CBLB: variants seen among roughly 807,000 people sequenced by gnomAD.
The protein encoded by CBLB is E3 ubiquitin-protein ligase CBL-B.
Under a neutral mutation model 104.9 loss-of-function variants are expected in CBLB, and 31 were observed. The observed-to-expected ratio is 0.30, with a 90% CI of 0.22 to 0.40. The LOEUF is 0.40. Ranked by LOEUF, CBLB falls within the 10% of genes least tolerant of loss-of-function variation. The pLI is 1.00. For synonymous variants in CBLB, 440 were observed against 422.6 expected, an observed-to-expected ratio of 1.04 and a Z score of -0.51; for missense variants, 1,062 against 1,214.6, an observed-to-expected ratio of 0.87 and a Z score of 1.87.
intron 11 of CBLB, 28 bp from the exon 12 acceptor site, chr3:105,702,487 A>AAC (rs1251432466): frequency 1.3e-5 from 19 of 1,473,062 alleles, no homozygotes; most frequent in Middle Eastern, 2.3e-4. Context: ...AAAAAAAAAA[A>AAC]AAAAAAAAAA....
intron 3 of CBLB, among the ~76,000 whole-genome samples, chr3:105,850,252 G>GT (rs1296104575): frequency 3.3e-5 from 5 of 151,930 alleles, no homozygotes; most frequent in Middle Eastern, 3.2e-3. Context: ...CTGGAAGAGG[G>GT]TTTTTTATGT....
rs376583785 is a variant in CBLB at position 105,702,295 on chromosome 3, C to T, written c.1758G>A (p.Pro586=). The change falls in exon 12 of 19, where the codon CCG becomes CCA. Residue 586 remains proline (P), a synonymous_variant. Transcript: ENST00000394030. The part of the protein sequence containing the change: ...HHVESVPSRD[P]PMPLEAWCPR... Reference sequence around the variant, plus strand: ...GGCACCATGCTTCAAGAGGCATTGGCGGGTCTCTGGAAGGCACGCTTTCCA... The same window carrying T: ...GGCACCATGCTTCAAGAGGCATTGGTGGGTCTCTGGAAGGCACGCTTTCCA... 1.4e-5 allele frequency: 22 copies of T among 1,613,670 alleles called. No homozygotes were observed. The highest frequency in any genetic ancestry group is 1.2e-4 in the African/African-American group (9 of 74,758).
chr3:105,825,111 G>A (rs2086398204), intron 3 of CBLB, among the ~76,000 whole-genome samples: 1 of 152,124 alleles, frequency 6.6e-6, no homozygotes, highest in Admixed American at 6.6e-5. Context: ...TCTGCTCCAT[G>A]AGGACTGCAT....
At chr3:105,859,311 T>C (rs4894957) in intron 2 of CBLB, among the ~76,000 whole-genome samples, 100,787 of 152,006 alleles carry the variant, frequency 0.66, 34,625 homozygotes, top group Middle Eastern at 0.79. Context: ...TTACACTGAA[T>C]CAAGTCATAT....
chr3:105,740,434 A>C, intron 7 of CBLB, 60 bp downstream of exon 7: 1 of 1,579,156 alleles, frequency 6.3e-7, no homozygotes, highest in South Asian at 1.1e-5. Context: ...ATCACAAAGC[A>C]ATCTTTATTT....
rs1347619108 is a variant in CBLB at position 105,854,738 on chromosome 3, T to C, written c.169-1074A>G. Among the ~76,000 whole-genome samples, 7 of 152,112 alleles carry C rather than the reference T, an allele frequency of 4.6e-5. No individual in the cohort carries two copies. In the East Asian group the frequency reaches 9.6e-4, roughly 21 times the overall value. On this transcript the variant is annotated intron_variant, in intron 2 of 18. Coordinates refer to ENST00000394030, the MANE Select transcript of CBLB (RefSeq NM_170662.5). ...ACCTCTGCCTCCCGGGTTCAAGTGATTCTCCTGCCTCAGCCTCCCAAGTAG... is the reference window on the plus strand; with the variant it reads ...ACCTCTGCCTCCCGGGTTCAAGTGACTCTCCTGCCTCAGCCTCCCAAGTAG...
intron 3 of CBLB, among the ~76,000 whole-genome samples, chr3:105,790,823 T>C (rs2081546216): frequency 6.6e-6 from 1 of 152,086 alleles, no homozygotes; most frequent in African/African-American, 2.4e-5. Context: ...GGGATAGAAG[T>C]GATGTGTATT....
intron 3 of CBLB, among the ~76,000 whole-genome samples, chr3:105,799,806 A>G (rs188785238): frequency 6.6e-6 from 1 of 152,326 alleles, no homozygotes; most frequent in East Asian, 1.9e-4. Context: ...ATTTGCTTCT[A>G]GAAAATGTGG....
chr3:105,818,492 C>T (rs1372603278), intron 3 of CBLB, among the ~76,000 whole-genome samples: 1 of 152,030 alleles, frequency 6.6e-6, no homozygotes, highest in Non-Finnish European at 1.5e-5. Flanking sequence ...GACTACATAG[C>T]TTCTTCACTT....
chr3:105,775,536 C>T (rs1247791118), intron 4 of CBLB, among the ~76,000 whole-genome samples: 2 of 152,170 alleles, frequency 1.3e-5, no homozygotes, highest in Non-Finnish European at 2.9e-5. Context: ...AGCAGTCACA[C>T]TTCCTCCTTA....
chr3:105,853,732 G>A (rs1186828804), intron 2 of CBLB, 68 bp from the exon 3 acceptor site: 3 of 1,087,864 alleles, frequency 2.8e-6, no homozygotes, highest in Admixed American at 2.2e-5. Flanking sequence ...AAAAGTTAGA[G>A]AACCATGTCC....
intron 3 of CBLB, among the ~76,000 whole-genome samples, chr3:105,826,099 C>CCAGCATGACACAACTCCAGCATGA (rs1217048502): frequency 1.3e-5 from 2 of 151,922 alleles, no homozygotes; most frequent in African/African-American, 2.4e-5. Flanking sequence ...TGACACGGCT[C>CCAGCATGACACAACTCCAGCATGA]CAGCATGACA....
intron 2 of CBLB, among the ~76,000 whole-genome samples, chr3:105,866,191 C>T (rs2092417458): frequency 6.6e-6 from 1 of 152,174 alleles, no homozygotes; most frequent in Non-Finnish European, 1.5e-5. Flanking sequence ...GCATTTAGCA[C>T]CATTGCCTGT....
At chr3:105,834,914 T>C (rs988482901) in intron 3 of CBLB, among the ~76,000 whole-genome samples, 6 of 152,202 alleles carry the variant, frequency 3.9e-5, no homozygotes, top group South Asian at 2.1e-4. Flanking sequence ...GGACACTTTA[T>C]TGGAAGCTTT....
chr3:105,740,644 A>G lies in CBLB; in HGVS notation c.846-13T>C. On this transcript the variant is annotated splice_polypyrimidine_tract_variant and intron_variant, in intron 6 of 18. Transcript: ENST00000394030. ...CCGGAAAATATAGCTGCAAAACATA[A>G]GAAAATTACATCTAATTACATTCAG... is the stretch of plus-strand genomic sequence containing the variant. 6.2e-7 allele frequency: 1 copy of G among 1,608,202 alleles called. No individual in the cohort carries two copies. The highest frequency in any genetic ancestry group is 8.5e-7 in the Non-Finnish European group (1 of 1,174,750).
At position 105,760,798 on chromosome 3, in the gene CBLB, T is replaced by C. The variant is rs935755010; in HGVS notation, c.567-9180A>G. Among the ~76,000 whole-genome samples the C allele has an allele frequency of 2.0e-5, 3 of 152,342 alleles. No individual in the cohort carries two copies. The East Asian group carries it at 5.8e-4, about 29-fold the overall frequency. On this transcript the variant is annotated intron_variant, in intron 4 of 18. Coordinates refer to ENST00000394030, the MANE Select transcript of CBLB (RefSeq NM_170662.5). ...AGAAAAAACTCTGCATATATTGTTGTGCATAATTAAATCCATCAAAAAGTC... is the reference window on the plus strand; with the variant it reads ...AGAAAAAACTCTGCATATATTGTTGCGCATAATTAAATCCATCAAAAAGTC...
intron 4 of CBLB, among the ~76,000 whole-genome samples, chr3:105,764,398 T>A (rs1348252044): frequency 6.6e-6 from 1 of 152,188 alleles, no homozygotes; most frequent in Non-Finnish European, 1.5e-5. Flanking sequence ...AATTCATATC[T>A]ATTGTTGCCA....
intron 3 of CBLB, among the ~76,000 whole-genome samples, chr3:105,838,249 A>ATTTTTTT (rs55769611): frequency 3.6e-5 from 2 of 55,974 alleles, no homozygotes; most frequent in African/African-American, 1.4e-4. Context: ...ACACCTGGCT[A>ATTTTTTT]TTTTTTTTTT....
chr3:105,817,120 G>C (rs1056261671), intron 3 of CBLB, among the ~76,000 whole-genome samples: 1 of 152,156 alleles, frequency 6.6e-6, no homozygotes, highest in Non-Finnish European at 1.5e-5. Context: ...TGAGAAATAA[G>C]ACGGCATATG....
Sources: allele counts gnomAD v4.1 joint callset (sites outside exome capture counted in the v4.1 genomes callset), GRCh38; gene constraint gnomAD v4.1.1; transcripts MANE v1.5; gene names NCBI Gene and HGNC (gene_info 2026-07-23, HGNC 2026-07-21).